The following CLHC1 variants were observed in gnomAD, a reference collection of about 807,000 sequenced individuals.
CLHC1 encodes the protein clathrin heavy chain linker domain-containing protein 1.
CLHC1 carries 72 observed loss-of-function variants against 69.5 expected under a neutral mutation model. That is an observed-to-expected ratio of 1.04 (90% CI 0.86 to 1.26). The LOEUF is 1.26. Ranked by LOEUF, CLHC1 falls within the 50% of genes most tolerant of loss-of-function variation. The probability of loss-of-function intolerance (pLI) is 0.00; values close to 1 mark genes in which losing one functional copy is unlikely to be tolerated. For synonymous variants in CLHC1, 223 were observed against 224.3 expected, an observed-to-expected ratio of 0.99 and a Z score of 0.05; for missense variants, 790 against 679.3, an observed-to-expected ratio of 1.16 and a Z score of -1.81.
chr2:55,178,257 C>G (rs1362445228), intron 11 of CLHC1, among the ~76,000 whole-genome samples: 1 of 152,074 alleles, frequency 6.6e-6, no homozygotes, highest in African/African-American at 2.4e-5. Flanking sequence ...GTGCCTTGCA[C>G]AGAAAAAGCA....
Position 55,221,037 on chromosome 2 carries a change from A to G in CLHC1, c.177+1198T>C, listed in dbSNP as rs181133688. ...CTTTCCTTATTCTACTGGTAGGTAT[A>G]TATCACTATCTGAACCTCACTTTCT... On this transcript the variant is annotated intron_variant, in intron 3 of 12. Coordinates refer to ENST00000401408, the MANE Select transcript of CLHC1 (RefSeq NM_152385.4). Among the ~76,000 whole-genome samples, 1,043 of 152,316 alleles carry G rather than the reference A, an allele frequency of 6.8e-3. 3 individuals carry two copies. The highest frequency in any genetic ancestry group is 0.011 in the Non-Finnish European group (725 of 68,026).
Position 55,180,732 on chromosome 2 carries a change from A to G in CLHC1, c.1182-20T>C. The G allele has an allele frequency of 6.2e-7, 1 of 1,604,240 alleles. No individual in the cohort carries two copies. The highest frequency in any genetic ancestry group is 8.5e-7 in the Non-Finnish European group (1 of 1,171,360). ...GTCAGTCTAGAACAAGCAGATCAAT[A>G]AGACATATGTTAGAAAATTCCTGAT... On this transcript the variant is annotated intron_variant, in intron 10 of 12. Transcript: ENST00000401408.
Position 55,181,762 on chromosome 2 carries a change from T to C in CLHC1, c.1007-18A>G, listed in dbSNP as rs575444771. The C allele has an allele frequency of 1.3e-6, 2 of 1,599,216 alleles. No individual in the cohort carries two copies. The highest frequency in any genetic ancestry group is 1.1e-5 in the South Asian group (1 of 88,736). ...TCCAACAGCTACAGAAAGGAGAAAA[T>C]TTTCTGAGTCAAATACTTTAAGAAA... is the stretch of plus-strand genomic sequence containing the variant. On this transcript the variant is annotated intron_variant, in intron 9 of 12. Transcript: ENST00000401408.
At chr2:55,200,414 A>G (rs1342790411) in intron 9 of CLHC1, among the ~76,000 whole-genome samples, 4 of 152,130 alleles carry the variant, frequency 2.6e-5, no homozygotes, top group Non-Finnish European at 4.4e-5. Flanking sequence ...CAAGACAAAA[A>G]CTATAAAAAG....
intron 5 of CLHC1, among the ~76,000 whole-genome samples, chr2:55,212,123 A>G (rs1019793345): frequency 2.6e-5 from 4 of 152,044 alleles, no homozygotes; most frequent in African/African-American, 9.7e-5. Flanking sequence ...CTAAAAACAC[A>G]AAAATTATCT....
chr2:55,180,397 T>C (rs2103675326), intron 11 of CLHC1, 113 bp downstream of exon 11: 1 of 672,590 alleles, frequency 1.5e-6, no homozygotes, highest in Non-Finnish European at 2.5e-6. Context: ...CTTATTGGTA[T>C]ATATAAAATT....
At chr2:55,204,920 C>T (rs1672296196) in intron 9 of CLHC1, among the ~76,000 whole-genome samples, 1 of 152,042 alleles carries the variant, frequency 6.6e-6, no homozygotes, top group East Asian at 1.9e-4. Flanking sequence ...GGATGGTTAC[C>T]AGAGGCTATG....
At chr2:55,216,865 G>T (rs1673566807) in intron 4 of CLHC1, among the ~76,000 whole-genome samples, 1 of 152,130 alleles carries the variant, frequency 6.6e-6, no homozygotes, top group South Asian at 2.1e-4. Context: ...TATACTAAGA[G>T]GGCCAGGAGT....
At chr2:55,231,754 G>A (rs1675395023) in intron 1 of CLHC1, 1 of 152,190 alleles carries the variant, frequency 6.6e-6, no homozygotes, top group African/African-American at 2.4e-5. Flanking sequence ...CTTCCTCTCA[G>A]ATCCAAGACT....
At chr2:55,199,195 G>A (rs1175015625) in intron 9 of CLHC1, among the ~76,000 whole-genome samples, 1 of 151,354 alleles carries the variant, frequency 6.6e-6, no homozygotes, top group Non-Finnish European at 1.5e-5. Flanking sequence ...TATTTGGGAG[G>A]CTGAGGCAGG....
intron 1 of CLHC1, among the ~76,000 whole-genome samples, chr2:55,230,594 T>C (rs1193364381): frequency 6.6e-6 from 1 of 152,122 alleles, no homozygotes; most frequent in South Asian, 2.1e-4. Flanking sequence ...GGACTGGGCC[T>C]TGGGGATACT....
intron 2 of CLHC1, chr2:55,224,675 G>T: frequency 4.3e-6 from 1 of 234,518 alleles, no homozygotes; most frequent in South Asian, 5.4e-5. Flanking sequence ...GGCGGTCCAG[G>T]AGAAGCTGAG....
Position 55,200,234 on chromosome 2 carries a change from A to AAC in CLHC1, c.1006+6035_1006+6036insGT, listed in dbSNP as rs1390026606. On this transcript the variant is annotated intron_variant, in intron 9 of 12. Coordinates refer to ENST00000401408, the MANE Select transcript of CLHC1 (RefSeq NM_152385.4). ...CAGAAAAAGACTGTCTTAAAAAAAA[A>AAC]AAAAAAAAAAACAGTGGCTGAGTAG... Among the ~76,000 whole-genome samples, 290 of 139,918 alleles carry AAC rather than the reference A, an allele frequency of 2.1e-3. 4 individuals carry two copies. Among genetic ancestry groups the AAC allele is most frequent in the Non-Finnish European group, 2.6e-3 (169 of 64,856 alleles). 91.8% of individuals were successfully genotyped at this position (139,918 alleles called of 152,430 possible). A position where few individuals can be genotyped will look rare whatever the true frequency, so the allele number is the denominator to read the frequency against.
intron 3 of CLHC1, among the ~76,000 whole-genome samples, chr2:55,220,984 A>G (rs1332667544): frequency 6.6e-6 from 1 of 152,184 alleles, no homozygotes; most frequent in Non-Finnish European, 1.5e-5. Flanking sequence ...CTGTTTCTCT[A>G]TTTTATACTC....
At chr2:55,199,907 G>C (rs1671775114) in intron 9 of CLHC1, among the ~76,000 whole-genome samples, 1 of 152,056 alleles carries the variant, frequency 6.6e-6, no homozygotes, top group South Asian at 2.1e-4. Context: ...GTGAATGTTA[G>C]CAGACTAAAC....
chr2:55,198,614 T>C (rs534365848), intron 9 of CLHC1, among the ~76,000 whole-genome samples: 1 of 151,962 alleles, frequency 6.6e-6, no homozygotes, highest in South Asian at 2.1e-4. Flanking sequence ...AAAGGGATAA[T>C]ACCAGAGAAC....
In CLHC1 at chr2:55,177,649, T is replaced by C. The variant is rs1421997927; in HGVS notation, c.1517A>G (p.Lys506Arg). ...TTGAAGTAGCTTAATGCCAACTTTT[T>C]TCATGTCTGCAGAGAACAGATGAAG... ...AILHLFSADM[K>R]KVGIKLLQEI... The change falls in exon 12 of 13, where the codon AAA becomes AGA. Residue 506 changes from lysine to arginine, a missense_variant. By Grantham distance (26) the Lys-to-Arg change is conservative. Transcript: ENST00000401408. 5.6e-6 allele frequency: 9 copies of C among 1,609,182 alleles called. No individual in the cohort carries two copies. The highest frequency in any genetic ancestry group is 6.8e-6 in the Non-Finnish European group (8 of 1,177,428).
intron 8 of CLHC1, 36 bp from the exon 9 acceptor site, chr2:55,206,412 C>T (rs369581148): frequency 1.7e-6 from 2 of 1,187,040 alleles, no homozygotes; most frequent in African/African-American, 3.0e-5. Flanking sequence ...ATTATAATGA[C>T]ACAAAGAAAA....
chr2:55,211,898 G>C (rs1196176356), intron 5 of CLHC1, among the ~76,000 whole-genome samples: 1 of 152,184 alleles, frequency 6.6e-6, no homozygotes, highest in Non-Finnish European at 1.5e-5. Flanking sequence ...ACATCAACAT[G>C]AATCAACAAT....
Sources: gnomAD v4.1 joint callset for allele counts (sites outside exome capture counted in the v4.1 genomes callset) on GRCh38, gnomAD v4.1.1 for gene constraint, MANE v1.5 for transcripts, NCBI Gene and HGNC (gene_info 2026-07-23, HGNC 2026-07-21) for gene names.